ASAH1: variants seen among roughly 807,000 people sequenced by gnomAD.
The protein encoded by ASAH1 is N-acylsphingosine amidohydrolase 1.
A neutral mutation model predicts 59.5 loss-of-function variants in ASAH1; 70 were observed. That is an observed-to-expected ratio of 1.18 (90% CI 0.97 to 1.43). The LOEUF is 1.43. Among genes scored for constraint, ASAH1 ranks in the 40% most tolerant of loss-of-function variants. The pLI, the probability that ASAH1 is intolerant of heterozygous loss-of-function variation, is 0.00. For missense variants in ASAH1, 660 were observed against 482.5 expected (o/e 1.37, Z -3.45); for synonymous variants, 213 against 166.5 (o/e 1.28, Z -2.15).
chr8:18,071,373 G>A lies in ASAH1; in HGVS notation c.143C>T (p.Pro48Leu). The A allele has an allele frequency of 6.3e-7, 1 of 1,597,264 alleles. No individual in the cohort carries two copies. Among genetic ancestry groups the A allele is most frequent in the Non-Finnish European group, 8.6e-7 (1 of 1,168,192 alleles). ...TAAGTCAAGATTTATGGTGTACCAT[G>A]GAACTGCACCTCTGTACCTGTAATG... ...PSGPTYRGAVPWYTINLDLPP... is the reference protein window; with the variant it reads ...PSGPTYRGAVLWYTINLDLPP... Residue 48 changes from proline to leucine, a missense_variant, in exon 3 of 14, where the codon CCA (proline) becomes CTA (leucine). By Grantham distance (98) the Pro-to-Leu change is moderately conservative (BLOSUM62 -3). Coordinates refer to ENST00000637790, the MANE Select transcript of ASAH1 (RefSeq NM_177924.5).
At chr8:18,072,833 G>T (rs1361001210) in intron 2 of ASAH1, among the ~76,000 whole-genome samples, 2 of 152,106 alleles carry the variant, frequency 1.3e-5, no homozygotes, top group Non-Finnish European at 2.9e-5. Context: ...ATAACTCAGT[G>T]GCCTGTTGGA....
intron 2 of ASAH1, among the ~76,000 whole-genome samples, chr8:18,075,311 G>A (rs971691259): frequency 2.0e-5 from 3 of 152,220 alleles, no homozygotes; most frequent in Non-Finnish European, 2.9e-5. Context: ...TTTTCTTTCC[G>A]ATGATTTTGA....
At chr8:18,076,856 T>G (rs1305563907) in intron 1 of ASAH1, among the ~76,000 whole-genome samples, 1 of 152,216 alleles carries the variant, frequency 6.6e-6, no homozygotes, top group African/African-American at 2.4e-5. Context: ...ATAAAGTAGG[T>G]TGACATTACC....
intron 1 of ASAH1, among the ~76,000 whole-genome samples, chr8:18,081,493 A>G (rs1800651192): frequency 6.6e-6 from 1 of 152,202 alleles, no homozygotes; most frequent in Non-Finnish European, 1.5e-5. Flanking sequence ...TGAATCCTTA[A>G]TAAGAGTCTA....
upstream of ASAH1, chr8:18,084,649 G>A (rs1450638686): frequency 3.1e-6 from 5 of 1,612,454 alleles, no homozygotes; most frequent in African/African-American, 1.3e-5. Context: ...GAATCCACTC[G>A]GGTCCTCCAA....
In ASAH1 at chr8:18,081,372, A is replaced by C. The variant is rs142888402; in HGVS notation, c.78+2609T>G. Among the ~76,000 whole-genome samples the C allele has an allele frequency of 2.8e-3, 425 of 152,050 alleles. 1 individual carries two copies. Among genetic ancestry groups the C allele is most frequent in the African/African-American group, 9.9e-3 (412 of 41,418 alleles). ...AGTCTCCTCATATCTACCCTTGCTG[A>C]CCTCCAATCCAGACTCATCTTTTTA... is the stretch of plus-strand genomic sequence containing the variant. On this transcript the variant is annotated intron_variant, in intron 1 of 13. Transcript: ENST00000637790.
chr8:18,077,630 C>T (rs1398456806), intron 1 of ASAH1, among the ~76,000 whole-genome samples: 1 of 152,080 alleles, frequency 6.6e-6, no homozygotes, highest in East Asian at 1.9e-4. Context: ...GATGTTCTTC[C>T]CAAAGTCCAG....
intron 1 of ASAH1, among the ~76,000 whole-genome samples, chr8:18,081,214 C>T (rs982580167): frequency 6.6e-6 from 1 of 152,168 alleles, no homozygotes; most frequent in African/African-American, 2.4e-5. Flanking sequence ...CACGCTGACA[C>T]CTCACTCCCT....
intron 10 of ASAH1, chr8:18,061,063 T>C: frequency 3.3e-6 from 1 of 298,688 alleles, no homozygotes; most frequent in Non-Finnish European, 6.4e-6. Context: ...TGTACTACCA[T>C]TTAAATGAAG....
chr8:18,080,536 C>T lies in ASAH1; in HGVS notation c.78+3445G>A, dbSNP rs1002176539. ...CTGTCCCAGTCTCTTCCCTGAGCTT[C>T]CTGTTCCACTTACTCTCCTATTTTT... On this transcript the variant is annotated intron_variant, in intron 1 of 13. Transcript: ENST00000637790. 1.5e-4 allele frequency among the ~76,000 whole-genome samples: 23 copies of T among 152,222 alleles called. No individual in the cohort carries two copies. In the South Asian group the frequency reaches 2.1e-3, roughly 14 times the overall value.
intron 2 of ASAH1, among the ~76,000 whole-genome samples, chr8:18,074,570 A>C (rs369849727): frequency 6.6e-6 from 1 of 152,178 alleles, no homozygotes; most frequent in Non-Finnish European, 1.5e-5. Context: ...CTTTCAGCGA[A>C]AGGGCAGTGT....
At chr8:18,075,977 G>A (rs536577700) in intron 1 of ASAH1, 7 of 300,086 alleles carry the variant, frequency 2.3e-5, no homozygotes, top group Non-Finnish European at 3.9e-5. Context: ...ACCTGTCCTG[G>A]GATTTGCCTC....
At chr8:18,059,189 G>A (rs1799585562) in intron 12 of ASAH1, 152 bp downstream of exon 12, 9 of 1,284,444 alleles carry the variant, frequency 7.0e-6, no homozygotes, top group East Asian at 2.3e-5. Context: ...TTTAAGTTAA[G>A]AAAACGAAAC....
chr8:18,058,630 C>G (rs1799564582), intron 13 of ASAH1: 1 of 593,708 alleles, frequency 1.7e-6, no homozygotes, highest in Non-Finnish European at 3.0e-6. Context: ...AAACAATATT[C>G]TGACCTATCA....
At chr8:18,061,302 T>C in intron 10 of ASAH1, 75 bp downstream of exon 10, 1 of 1,292,916 alleles carries the variant, frequency 7.7e-7, no homozygotes, top group Non-Finnish European at 1.1e-6. Context: ...AAGCTGGAGC[T>C]TGACAAATAT....
In ASAH1 at chr8:18,057,390, C is replaced by A; in HGVS notation, c.*144G>T. On this transcript the variant is annotated 3_prime_UTR_variant, in exon 14 of 14. Transcript: ENST00000637790. ...AAAAAAAAGATCTGTCATTTGTCAA[C>A]AGATGGACGAAGACAAGCTATTGAC... The A allele has an allele frequency of 3.6e-6, 2 of 551,960 alleles. No homozygotes were observed. Among genetic ancestry groups the A allele is most frequent in the South Asian group, 1.7e-5 (1 of 57,828 alleles). The allele number at this position is 551,960 out of a possible 1,614,324, so 34.2% of individuals were successfully genotyped here.
intron 2 of ASAH1, chr8:18,073,315 G>T: frequency 6.5e-7 from 1 of 1,545,904 alleles, no homozygotes. Context: ...ACACTTAGCA[G>T]CATTGGTATT....
At chr8:18,083,755 G>C in intron 1 of ASAH1, 6 of 842,158 alleles carry the variant, frequency 7.1e-6, no homozygotes, top group Non-Finnish European at 9.0e-6. Flanking sequence ...CAGAGACTAG[G>C]ATTTCCTTTA....
chr8:18,067,143 A>ATATCTAAGACATACAGCACCTGTTC, intron 5 of ASAH1, 77 bp downstream of exon 5: 1 of 1,321,242 alleles, frequency 7.6e-7, no homozygotes, highest in Non-Finnish European at 1.1e-6. Flanking sequence ...CCTGTGCTGT[A>ATATCTAAGACATACAGCACCTGTTC]TGTATATCAC....
Sources: allele counts gnomAD v4.1 joint callset (sites outside exome capture counted in the v4.1 genomes callset), GRCh38; gene constraint gnomAD v4.1.1; transcripts MANE v1.5; gene names NCBI Gene and HGNC (gene_info 2026-07-23, HGNC 2026-07-21).